The following PAPPA2 variants were observed in gnomAD, a reference collection of about 807,000 sequenced individuals.
PAPPA2 encodes pappalysin 2, also known as pappalysin-2.
PAPPA2 carries 86 observed loss-of-function variants against 176.4 expected under a neutral mutation model. The ratio of observed to expected loss-of-function variants is 0.49; its 90% CI spans 0.41 to 0.58. The LOEUF is 0.58. Ranked by LOEUF, PAPPA2 falls within the 20% of genes least tolerant of loss-of-function variation. PAPPA2 has a pLI of 0.00. For missense variants in PAPPA2, 2,073 were observed against 2,256.9 expected, an observed-to-expected ratio of 0.92 and a Z score of 1.65; for synonymous variants, 809 against 852.2, an observed-to-expected ratio of 0.95 and a Z score of 0.88.
intron 3 of PAPPA2, among the ~76,000 whole-genome samples, chr1:176,636,236 G>A (rs1300176198): frequency 2.0e-5 from 3 of 152,130 alleles, no homozygotes; most frequent in African/African-American, 7.2e-5. Context: ...ATTATAAGAT[G>A]TTAAGAAGTA....
intron 10 of PAPPA2, among the ~76,000 whole-genome samples, chr1:176,708,764 T>C (rs774678644): frequency 1.3e-5 from 2 of 152,078 alleles, no homozygotes; most frequent in Non-Finnish European, 2.9e-5. Context: ...AATAACTATA[T>C]ATTGATGGAC....
intron 21 of PAPPA2, among the ~76,000 whole-genome samples, chr1:176,801,417 G>A (rs1390615592): frequency 1.3e-5 from 2 of 152,152 alleles, no homozygotes; most frequent in African/African-American, 4.8e-5. Flanking sequence ...AGACTGGAGA[G>A]GGGGAAAGGG....
At chr1:176,664,478 TA>T (rs1315238918) in intron 3 of PAPPA2, among the ~76,000 whole-genome samples, 1 of 152,200 alleles carries the variant, frequency 6.6e-6, no homozygotes, top group Non-Finnish European at 1.5e-5. Context: ...TAAGTACTTG[TA>T]TGATTAGATT....
chr1:176,558,190 A>C (rs1385433635), intron 2 of PAPPA2, among the ~76,000 whole-genome samples: 1 of 152,236 alleles, frequency 6.6e-6, no homozygotes, highest in Non-Finnish European at 1.5e-5. Context: ...AGCAAGGTGC[A>C]CAGTAGAACC....
At chr1:176,678,067 G>A (rs1308720859) in intron 4 of PAPPA2, among the ~76,000 whole-genome samples, 1 of 152,156 alleles carries the variant, frequency 6.6e-6, no homozygotes, top group Non-Finnish European at 1.5e-5. Context: ...GGATAAGCAG[G>A]AGTTTGCTTG....
At chr1:176,682,683 GTTATTA>G (rs753323618) in intron 4 of PAPPA2, among the ~76,000 whole-genome samples, 1 of 152,020 alleles carries the variant, frequency 6.6e-6, no homozygotes, top group African/African-American at 2.4e-5. Flanking sequence ...TCTAGCTCCA[GTTATTA>G]TTATTATTTT....
rs375243007 is a variant in PAPPA2 at position 176,557,012 on chromosome 1, G to A, written c.690G>A (p.Arg230=). The stretch of plus-strand genomic sequence containing the variant: ...GGCCCAAGCATTCCCTTAAACACAG[G>A]GTCAAAAAGAGTCCACCGGAGGAAA... ...QPWPKHSLKH[R]VKKSPPEESN... The change falls in exon 2 of 23, where the codon AGG becomes AGA. Residue 230 remains arginine (R), a synonymous_variant. Coordinates refer to ENST00000367662, the MANE Select transcript of PAPPA2 (RefSeq NM_020318.3). 44 of 1,613,748 alleles carry A rather than the reference G, an allele frequency of 2.7e-5. No individual in the cohort carries two copies. Among genetic ancestry groups the A allele is most frequent in the Non-Finnish European group, 3.3e-5 (39 of 1,179,960 alleles).
intron 1 of PAPPA2, among the ~76,000 whole-genome samples, chr1:176,535,669 C>A (rs2102558096): frequency 6.6e-6 from 1 of 152,248 alleles, no homozygotes; most frequent in Non-Finnish European, 1.5e-5. Flanking sequence ...AGAATGGGAT[C>A]AGACAGACCT....
At chr1:176,482,510 G>A (rs893647766) in intron 1 of PAPPA2, among the ~76,000 whole-genome samples, 2 of 152,114 alleles carry the variant, frequency 1.3e-5, no homozygotes, top group Admixed American at 6.6e-5. Context: ...AAATTCCAAC[G>A]GGCATGAACA....
At chr1:176,605,364 G>A (rs544634123) in intron 3 of PAPPA2, among the ~76,000 whole-genome samples, 2 of 152,312 alleles carry the variant, frequency 1.3e-5, no homozygotes, top group East Asian at 1.9e-4. Context: ...TGGATTTATT[G>A]TAAAATTACA....
chr1:176,737,083 A>C (rs1662452971), intron 12 of PAPPA2, among the ~76,000 whole-genome samples: 1 of 151,640 alleles, frequency 6.6e-6, no homozygotes. Context: ...TTTTTTTGGA[A>C]ATACAAATTA....
chr1:176,510,905 T>A lies in PAPPA2; in HGVS notation c.-916-44502T>A, dbSNP rs150576545. Among the ~76,000 whole-genome samples the A allele has an allele frequency of 2.1e-3, 260 of 124,326 alleles. 2 individuals carry two copies. Among genetic ancestry groups the A allele is most frequent in the African/African-American group, 7.8e-3 (248 of 31,858 alleles). The allele number at this position is 124,326 out of a possible 152,430, so 81.6% of individuals were successfully genotyped here. ...CTAATAAGCCAGAGATAAAACCCAA[T>A]TATAAAAACATTTAATTTAATCCAA... On this transcript the variant is annotated intron_variant, in intron 1 of 22. Transcript: ENST00000367662.
intron 4 of PAPPA2, among the ~76,000 whole-genome samples, chr1:176,677,416 G>T (rs2102784686): frequency 6.6e-6 from 1 of 152,224 alleles, no homozygotes; most frequent in East Asian, 1.9e-4. Context: ...ATCTTGATTT[G>T]CCATCAACAC....
chr1:176,675,957 T>C (rs987911101), intron 4 of PAPPA2, among the ~76,000 whole-genome samples: 1 of 151,928 alleles, frequency 6.6e-6, no homozygotes, highest in African/African-American at 2.4e-5. Flanking sequence ...GATATACAGA[T>C]GGAAAATAAA....
intron 1 of PAPPA2, among the ~76,000 whole-genome samples, chr1:176,520,569 G>C (rs1047372062): frequency 2.6e-5 from 4 of 152,198 alleles, no homozygotes; most frequent in African/African-American, 9.7e-5. Context: ...ACTTATAAAA[G>C]ATGGAATGTG....
rs893649615 is a variant in PAPPA2 at position 176,844,769 on chromosome 1, G to A, written c.*2315G>A. ...GGAGAATCCTACTTTGTCTGAGATT[G>A]AGGCAGAGGAATTGTTATCCTGGGC... On this transcript the variant is annotated 3_prime_UTR_variant, in exon 23 of 23. Transcript: ENST00000367662. The A allele has an allele frequency of 2.0e-5, 3 of 152,272 alleles. No homozygotes were observed. Among genetic ancestry groups the A allele is most frequent in the Non-Finnish European group, 4.4e-5 (3 of 68,012 alleles). 9.4% of individuals were successfully genotyped at this position (152,272 alleles called of 1,614,324 possible). A position where few individuals can be genotyped will look rare whatever the true frequency, so the allele number is the denominator to read the frequency against.
chr1:176,756,240 C>T (rs1663413655), intron 14 of PAPPA2, among the ~76,000 whole-genome samples: 2 of 152,188 alleles, frequency 1.3e-5, no homozygotes, highest in Non-Finnish European at 2.9e-5. Flanking sequence ...CAGGCGTGAG[C>T]CACTATGCCT....
intron 1 of PAPPA2, among the ~76,000 whole-genome samples, chr1:176,513,666 C>T (rs976968390): frequency 6.6e-6 from 1 of 152,114 alleles, no homozygotes; most frequent in Non-Finnish European, 1.5e-5. Flanking sequence ...TCTCAATTTC[C>T]TTATTTGTAA....
Position 176,695,824 on chromosome 1 carries a change from A to G in PAPPA2, c.2711A>G (p.Asp904Gly). The G allele has an allele frequency of 6.2e-7, 1 of 1,613,618 alleles. No individual in the cohort carries two copies. Among genetic ancestry groups the G allele is most frequent in the Non-Finnish European group, 8.5e-7 (1 of 1,179,916 alleles). The change falls in exon 7 of 23, where the codon GAC (aspartate) becomes GGC (glycine). Residue 904 changes from aspartate (D) to glycine (G), a missense_variant. Asp to Gly is a moderately conservative substitution (Grantham distance 94). Coordinates refer to ENST00000367662, the MANE Select transcript of PAPPA2 (RefSeq NM_020318.3). ...VHTASSRRVC[D>G]SSGYWTPEEA... Reference sequence around the variant, plus strand: ...ACAGCTTCCTCCCGGCGGGTGTGTGACTCCTCAGGTTATTGGACCCCAGAG... The same window carrying G: ...ACAGCTTCCTCCCGGCGGGTGTGTGGCTCCTCAGGTTATTGGACCCCAGAG...
Sources: allele counts gnomAD v4.1 joint callset (sites outside exome capture counted in the v4.1 genomes callset), GRCh38; gene constraint gnomAD v4.1.1; transcripts MANE v1.5; gene names NCBI Gene and HGNC (gene_info 2026-07-23, HGNC 2026-07-21).